ELP3: variants seen among roughly 807,000 people sequenced by gnomAD.
ELP3 encodes elongator acetyltransferase complex subunit 3.
A neutral mutation model predicts 74.9 loss-of-function variants in ELP3; 56 were observed. The observed-to-expected ratio is 0.75, with a 90% CI of 0.60 to 0.93. ELP3 has a LOEUF of 0.93. ELP3 is among the 40% of genes least tolerant of loss of function. The pLI, the probability that ELP3 is intolerant of heterozygous loss-of-function variation, is 0.00. For synonymous variants in ELP3, 222 were observed against 239.8 expected (o/e 0.93, Z 0.68); for missense variants, 573 against 686.5 (o/e 0.83, Z 1.85).
intron 10 of ELP3, among the ~76,000 whole-genome samples, chr8:28,145,551 T>G (rs547873069): frequency 6.6e-6 from 1 of 152,218 alleles, no homozygotes; most frequent in Non-Finnish European, 1.5e-5. Context: ...TAGTGGCAGC[T>G]TCCACCAATT....
At chr8:28,104,166 T>A (rs983446511) in intron 3 of ELP3, among the ~76,000 whole-genome samples, 1 of 152,244 alleles carries the variant, frequency 6.6e-6, no homozygotes, top group African/African-American at 2.4e-5. Flanking sequence ...TATTGAGATA[T>A]CTAGTCACAT....
At chr8:28,137,189 T>C (rs976104095) in intron 9 of ELP3, among the ~76,000 whole-genome samples, 19 of 152,344 alleles carry the variant, frequency 1.2e-4, no homozygotes, top group Middle Eastern at 3.4e-3. Context: ...ATTCCATTAT[T>C]AAAGAAAGGT....
At chr8:28,131,540 A>T (rs558891900) in intron 8 of ELP3, among the ~76,000 whole-genome samples, 30 of 152,314 alleles carry the variant, frequency 2.0e-4, no homozygotes, top group Admixed American at 1.2e-3. Flanking sequence ...AGAGAGTGAG[A>T]TGGAGTCTGT....
intron 10 of ELP3, among the ~76,000 whole-genome samples, chr8:28,153,803 C>G (rs1336326917): frequency 6.6e-6 from 1 of 152,136 alleles, no homozygotes; most frequent in Non-Finnish European, 1.5e-5. Context: ...ATTGATGCCT[C>G]TTTTAAGGGT....
intron 14 of ELP3, among the ~76,000 whole-genome samples, chr8:28,166,170 T>C (rs972954776): frequency 1.3e-5 from 2 of 152,126 alleles, no homozygotes; most frequent in African/African-American, 4.8e-5. Context: ...ATGTGTGAAA[T>C]GTCACCCTGC....
intron 14 of ELP3, among the ~76,000 whole-genome samples, chr8:28,177,592 CAG>C: frequency 6.6e-6 from 1 of 152,202 alleles, no homozygotes; most frequent in African/African-American, 2.4e-5. Flanking sequence ...CTAATCAAAA[CAG>C]AAATTTGAGC....
chr8:28,182,113 T>A (rs533649236), intron 14 of ELP3, among the ~76,000 whole-genome samples: 54 of 152,316 alleles, frequency 3.5e-4, no homozygotes, highest in African/African-American at 1.3e-3. Context: ...GTATTGCATT[T>A]ATCCCCTTAG....
Position 28,138,648 on chromosome 8 carries a change from C to T in ELP3, c.1100+757C>T, listed in dbSNP as rs1274590453. ...AATGCATTACAATCAGCTGCTAGAG[C>T]AGGACTCCACTGAGCACAGAAACTG... On this transcript the variant is annotated intron_variant, in intron 10 of 14. Transcript: ENST00000256398. Among the ~76,000 whole-genome samples, 3 of 152,276 alleles carry T rather than the reference C, an allele frequency of 2.0e-5. No individual in the cohort carries two copies. In the East Asian group the frequency reaches 5.8e-4, roughly 29 times the overall value.
intron 10 of ELP3, among the ~76,000 whole-genome samples, chr8:28,151,239 G>A (rs1363196889): frequency 6.6e-6 from 1 of 152,068 alleles, no homozygotes; most frequent in African/African-American, 2.4e-5. Flanking sequence ...GCCCATCACA[G>A]GCATTCTTTA....
chr8:28,107,821 A>G, intron 4 of ELP3, 92 bp from the exon 5 acceptor site: 1 of 931,908 alleles, frequency 1.1e-6, no homozygotes, highest in East Asian at 2.5e-5. Context: ...CTCATTTGTT[A>G]TCAGGATTCT....
At chr8:28,150,125 C>T (rs1258616853) in intron 10 of ELP3, among the ~76,000 whole-genome samples, 1 of 152,154 alleles carries the variant, frequency 6.6e-6, no homozygotes, top group Non-Finnish European at 1.5e-5. Context: ...TGCTGTCATT[C>T]ATTTCACTTA....
chr8:28,143,211 A>T (rs1813311893), intron 10 of ELP3, among the ~76,000 whole-genome samples: 2 of 152,112 alleles, frequency 1.3e-5, no homozygotes. Flanking sequence ...TAGTCAATGT[A>T]TTACATCTTG....
chr8:28,130,023 G>A (rs1292359374), intron 8 of ELP3, among the ~76,000 whole-genome samples: 1 of 152,178 alleles, frequency 6.6e-6, no homozygotes, highest in Admixed American at 6.5e-5. Context: ...GGACATCAGG[G>A]TAATGTTTAA....
chr8:28,159,472 C>T (rs1813979188), intron 12 of ELP3, among the ~76,000 whole-genome samples: 2 of 152,190 alleles, frequency 1.3e-5, no homozygotes, highest in African/African-American at 4.8e-5. Flanking sequence ...GCTCTGGGTA[C>T]CATCTCCCCA....
chr8:28,113,268 A>C, intron 7 of ELP3, 95 bp downstream of exon 7: 1 of 840,216 alleles, frequency 1.2e-6, no homozygotes, highest in East Asian at 3.0e-5. Context: ...CTGCATCCAC[A>C]TTCTTACTTC....
intron 7 of ELP3, among the ~76,000 whole-genome samples, chr8:28,122,360 C>T (rs1156911353): frequency 6.6e-6 from 1 of 152,150 alleles, no homozygotes; most frequent in Non-Finnish European, 1.5e-5. Flanking sequence ...TGAAAGTGTT[C>T]ATGTAACATG....
chr8:28,116,679 C>T (rs1438421635), intron 7 of ELP3, among the ~76,000 whole-genome samples: 1 of 152,160 alleles, frequency 6.6e-6, no homozygotes, highest in Non-Finnish European at 1.5e-5. Flanking sequence ...GCAGAGGTTG[C>T]AGTGAGCCAA....
chr8:28,143,460 AT>A (rs1563271065), intron 10 of ELP3, among the ~76,000 whole-genome samples: 1 of 152,226 alleles, frequency 6.6e-6, no homozygotes, highest in African/African-American at 2.4e-5. Flanking sequence ...TTTTCCAAAA[AT>A]TTCCTTACAA....
intron 7 of ELP3, among the ~76,000 whole-genome samples, chr8:28,122,300 C>T (rs1018562599): frequency 6.6e-6 from 1 of 152,106 alleles, no homozygotes; most frequent in Non-Finnish European, 1.5e-5. Flanking sequence ...ATTAGTGTAA[C>T]GCAGGCTTCA....
Sources: allele counts gnomAD v4.1 joint callset (sites outside exome capture counted in the v4.1 genomes callset), GRCh38; gene constraint gnomAD v4.1.1; transcripts MANE v1.5; gene names NCBI Gene and HGNC (gene_info 2026-07-23, HGNC 2026-07-21).